Variants in GALNT9 observed in about 807,000 individuals in gnomAD.
GALNT9 encodes the protein GalNAc transferase 9.
In GALNT9, 47 loss-of-function variants were observed where a neutral mutation model predicts 63.1. The observed-to-expected ratio is 0.75, with a 90% CI of 0.59 to 0.95. The LOEUF (loss-of-function observed/expected upper bound fraction) is 0.95. GALNT9 is among the 40% of genes least tolerant of loss of function. The pLI, the probability that GALNT9 is intolerant of heterozygous loss-of-function variation, is 0.00. For missense variants in GALNT9, 829 were observed against 874.8 expected, an observed-to-expected ratio of 0.95 and a Z score of 0.66; for synonymous variants, 396 against 365.7, an observed-to-expected ratio of 1.08 and a Z score of -0.94.
At chr12:132,326,625 G>C (rs139584453) in intron 1 of GALNT9, among the ~76,000 whole-genome samples, 1 of 152,222 alleles carries the variant, frequency 6.6e-6, no homozygotes, top group East Asian at 1.9e-4. Context: ...AGCCAGCAGA[G>C]GAATTCCAGG....
chr12:132,257,916 GC>G, intron 4 of GALNT9, 30 bp from the exon 5 acceptor site: 1 of 1,437,154 alleles, frequency 7.0e-7, no homozygotes. Flanking sequence ...AGGAGGGGCG[GC>G]CCCAGCCCAC....
At chr12:132,227,497 G>A (rs1415372633) in intron 6 of GALNT9, among the ~76,000 whole-genome samples, 1 of 152,236 alleles carries the variant, frequency 6.6e-6, no homozygotes, top group Non-Finnish European at 1.5e-5. Context: ...GGGCTCCAGC[G>A]AGGTGCACGT....
At chr12:132,299,558 C>T (rs1260900139) in intron 1 of GALNT9, among the ~76,000 whole-genome samples, 1 of 137,666 alleles carries the variant, frequency 7.3e-6, no homozygotes, top group Non-Finnish European at 1.6e-5. Context: ...AACTAAGCCA[C>T]TGCTGAGATA....
intron 6 of GALNT9, among the ~76,000 whole-genome samples, chr12:132,230,649 C>A (rs1359811619): frequency 6.6e-6 from 1 of 152,328 alleles, no homozygotes; most frequent in Admixed American, 6.5e-5. Flanking sequence ...CCGGGCAGGA[C>A]CCCTTCCCCG....
At chr12:132,208,787 G>C (rs1168494263) in intron 6 of GALNT9, among the ~76,000 whole-genome samples, 1 of 152,192 alleles carries the variant, frequency 6.6e-6, no homozygotes, top group Admixed American at 6.5e-5. Context: ...ATTTCAGAGT[G>C]GATTGTTACA....
chr12:132,257,849 G>A lies in GALNT9; in HGVS notation c.799C>T (p.Arg267Cys), dbSNP rs1555239278. Reference protein sequence around the residue: ...PALSRIREDRRRIVLPAIDNI... With the variant: ...PALSRIREDRCRIVLPAIDNI... Reference sequence around the variant, plus strand: ...TCGATGGCTGGCAGCACGATGCGACGCCGGTCCTCTCGGATCCGCGACAGT... The same window carrying A: ...TCGATGGCTGGCAGCACGATGCGACACCGGTCCTCTCGGATCCGCGACAGT... Residue 267 changes from arginine (R) to cysteine (C), a missense_variant, in exon 5 of 11, where the codon CGT (arginine) becomes TGT (cysteine). Coordinates refer to ENST00000328957, the MANE Select transcript of GALNT9 (RefSeq NM_001122636.2). 9 of 1,548,814 alleles carry A rather than the reference G, an allele frequency of 5.8e-6. No homozygotes were observed. The highest frequency in any genetic ancestry group is 1.2e-5 in the South Asian group (1 of 84,042).
chr12:132,197,316 T>C (rs1347189422), intron 10 of GALNT9, 63 bp from the exon 11 acceptor site: 4 of 1,581,356 alleles, frequency 2.5e-6, no homozygotes, highest in African/African-American at 2.7e-5. Context: ...TCCCCCCACC[T>C]CAGGGAGGCT....
At chr12:132,264,908 G>A (rs911634287) in intron 2 of GALNT9, among the ~76,000 whole-genome samples, 3 of 152,208 alleles carry the variant, frequency 2.0e-5, no homozygotes, top group Non-Finnish European at 1.5e-5. Context: ...GCCCACAGGC[G>A]AGACCGACAG....
At chr12:132,269,315 C>T (rs920627018) in intron 2 of GALNT9, among the ~76,000 whole-genome samples, 1 of 152,222 alleles carries the variant, frequency 6.6e-6, no homozygotes, top group Non-Finnish European at 1.5e-5. Flanking sequence ...CGTGGCGGGT[C>T]CCATGCCCCC....
intron 6 of GALNT9, among the ~76,000 whole-genome samples, chr12:132,225,853 A>C (rs1303723239): frequency 1.1e-4 from 3 of 26,398 alleles, no homozygotes; most frequent in African/African-American, 3.8e-4. Flanking sequence ...CCCACACCCC[A>C]CACACTGTGT....
intron 6 of GALNT9, among the ~76,000 whole-genome samples, chr12:132,227,308 G>A (rs1442710136): frequency 1.3e-5 from 2 of 152,088 alleles, no homozygotes; most frequent in Non-Finnish European, 2.9e-5. Flanking sequence ...TGCCGTCCCC[G>A]AACGCGTGTG....
rs1171072510 is a variant in GALNT9, at chr12:132,236,751, G to C, written c.1077+11159C>G. Among the ~76,000 whole-genome samples the C allele has an allele frequency of 6.6e-6, 1 of 152,166 alleles. No homozygotes were observed. Among genetic ancestry groups the C allele is most frequent in the Non-Finnish European group, 1.5e-5 (1 of 68,030 alleles). The stretch of plus-strand genomic sequence containing the variant: ...CAGCCACGCCTCCTGGGGGTCTCCC[G>C]TGTCTAAGTCTTGCTGTGCCCCCAA... On this transcript the variant is annotated intron_variant, in intron 6 of 10. Transcript: ENST00000328957. This position sits in a 1 kb window ranked among gnomAD's most constrained non-coding sequence, Gnocchi z 5.6.
rs762010381 is a variant in GALNT9, at chr12:132,197,170, C to T, written c.1749G>A (p.Val583=). Residue 583 remains valine, a synonymous_variant, in exon 11 of 11, where the codon GTG becomes GTA. Transcript: ENST00000328957. ...SKDANFGLRL[V]VQRCSGQKWM... ...ACTTCTGCCCCGAGCACCTCTGTAC[C>T]ACCAGCCGGAGCCCAAAGTTGGCAT... The T allele has an allele frequency of 6.2e-7, 1 of 1,614,156 alleles. No individual in the cohort carries two copies. Among genetic ancestry groups the T allele is most frequent in the Non-Finnish European group, 8.5e-7 (1 of 1,180,028 alleles).
chr12:132,267,890 C>T (rs781855579), intron 2 of GALNT9, among the ~76,000 whole-genome samples: 21 of 145,648 alleles, frequency 1.4e-4, no homozygotes, highest in African/African-American at 3.8e-4. Context: ...TGCACTCACA[C>T]GCACACACGC....
intron 1 of GALNT9, among the ~76,000 whole-genome samples, chr12:132,304,134 G>C (rs1451749677): frequency 1.1e-3 from 15 of 13,286 alleles, no homozygotes; most frequent in African/African-American, 2.0e-3. Context: ...CACCCTCTCC[G>C]GGGCACACCC....
intron 2 of GALNT9, among the ~76,000 whole-genome samples, chr12:132,264,367 C>T (rs113903555): frequency 6.6e-6 from 1 of 152,224 alleles, no homozygotes; most frequent in Non-Finnish European, 1.5e-5. Context: ...ATGAAGAAGC[C>T]GAGCCGGGAT....
Position 132,261,122 on chromosome 12 carries a change from A to C in GALNT9, c.587T>G (p.Val196Gly). 2.6e-6 allele frequency: 4 copies of C among 1,551,002 alleles called. No individual in the cohort carries two copies. The highest frequency in any genetic ancestry group is 3.5e-6 in the Non-Finnish European group (4 of 1,146,846). ...VILVDDNSDN[V>G]ELKFNLDQYV... Reference sequence around the variant, plus strand: ...CTGGTCCAGATTGAACTTGAGTTCCACTGAGGAGAGACAAGACTTTAGCAC... The same window carrying C: ...CTGGTCCAGATTGAACTTGAGTTCCCCTGAGGAGAGACAAGACTTTAGCAC... The change falls in exon 4 of 11, where the codon GTG (valine) becomes GGG (glycine). Residue 196 changes from valine to glycine, a missense_variant and splice_region_variant. Transcript: ENST00000328957.
intron 6 of GALNT9, among the ~76,000 whole-genome samples, chr12:132,239,295 C>CTG (rs1878123285): frequency 7.7e-6 from 1 of 130,346 alleles, no homozygotes; most frequent in Non-Finnish European, 1.7e-5. Context: ...CACAGAGAGA[C>CTG]AGAGAGAGAC....
intron 2 of GALNT9, among the ~76,000 whole-genome samples, chr12:132,276,068 C>T (rs1310168984): frequency 6.6e-6 from 1 of 152,254 alleles, no homozygotes; most frequent in Non-Finnish European, 1.5e-5. Flanking sequence ...GGGCAGGAAC[C>T]TCAGCTTTCC....
Sources: allele counts gnomAD v4.1 joint callset (sites outside exome capture counted in the v4.1 genomes callset), GRCh38; gene constraint gnomAD v4.1.1; non-coding constraint Gnocchi (gnomAD v3.1); transcripts MANE v1.5; gene names NCBI Gene and HGNC (gene_info 2026-07-23, HGNC 2026-07-21).